The following CENPP variants were observed in gnomAD, a reference collection of about 807,000 sequenced individuals.
CENPP encodes the protein centromere protein P.
A neutral mutation model predicts 35.6 loss-of-function variants in CENPP; 24 were observed. The observed-to-expected ratio is 0.67, with a 90% confidence interval of 0.49 to 0.95. The LOEUF is 0.95. CENPP is among the 40% of genes least tolerant of loss of function. The probability of loss-of-function intolerance (pLI) is 0.00; values close to 1 mark genes in which losing one functional copy is unlikely to be tolerated. For synonymous variants in CENPP, 120 were observed against 125.5 expected (o/e 0.96, Z 0.29); for missense variants, 332 against 345.3 (o/e 0.96, Z 0.31).
chr9:92,525,328 A>G (rs1044108130), intron 5 of CENPP, among the ~76,000 whole-genome samples: 3 of 152,072 alleles, frequency 2.0e-5, no homozygotes, highest in Admixed American at 1.3e-4. Flanking sequence ...AAAAAAAAAA[A>G]AAGAAAAGAA....
intron 5 of CENPP, among the ~76,000 whole-genome samples, chr9:92,529,049 T>G (rs865781482): frequency 2.0e-5 from 3 of 152,182 alleles, no homozygotes; most frequent in Non-Finnish European, 4.4e-5. Flanking sequence ...AATCAAACTT[T>G]TAAAGATGAA....
At chr9:92,540,366 C>T (rs753941968) in intron 5 of CENPP, among the ~76,000 whole-genome samples, 3 of 144,754 alleles carry the variant, frequency 2.1e-5, no homozygotes, top group Admixed American at 6.9e-5. Flanking sequence ...TGAACCCAGG[C>T]GGCAAAGGTC....
Position 92,504,599 on chromosome 9 carries a change from G to A in CENPP, c.565-106715G>A, listed in dbSNP as rs894711243. The stretch of plus-strand genomic sequence containing the variant: ...TGCCCAGGCTGGAGTGTAGTGGTAC[G>A]ATCCTAGCTTACTGCAGCCTCAAAC... On this transcript the variant is annotated intron_variant, in intron 5 of 7. Coordinates refer to ENST00000375587, the MANE Select transcript of CENPP (RefSeq NM_001012267.3). Among the ~76,000 whole-genome samples, 10 of 152,234 alleles carry A rather than the reference G, an allele frequency of 6.6e-5. 1 individual carries two copies.
intron 5 of CENPP, among the ~76,000 whole-genome samples, chr9:92,594,846 A>ATTT (rs1345754315): frequency 1.4e-5 from 2 of 142,544 alleles, no homozygotes; most frequent in African/African-American, 5.2e-5. Flanking sequence ...TATGTAAGTT[A>ATTT]TTTGTGCCCT....
At chr9:92,517,647 T>G in intron 5 of CENPP, 1 of 1,609,038 alleles carries the variant, frequency 6.2e-7, no homozygotes, top group Non-Finnish European at 8.5e-7. Flanking sequence ...AGTTAAAGAT[T>G]AATCACACAC....
intron 5 of CENPP, among the ~76,000 whole-genome samples, chr9:92,461,730 T>C (rs570421800): frequency 6.6e-6 from 1 of 152,218 alleles, no homozygotes; most frequent in South Asian, 2.1e-4. Context: ...CTTCCTGATG[T>C]CATTCTTGAT....
At chr9:92,495,219 C>T in intron 5 of CENPP, 8 of 533,680 alleles carry the variant, frequency 1.5e-5, no homozygotes, top group Admixed American at 6.4e-5. Context: ...CACTTAAGTT[C>T]CTAGCCAAGA....
At chr9:92,355,066 T>C (rs1841554546) in intron 4 of CENPP, among the ~76,000 whole-genome samples, 1 of 152,196 alleles carries the variant, frequency 6.6e-6, no homozygotes, top group Non-Finnish European at 1.5e-5. Context: ...TAAGGGTCCA[T>C]GTTCAGCGGT....
chr9:92,569,567 T>C (rs1850082226), intron 5 of CENPP, among the ~76,000 whole-genome samples: 2 of 152,204 alleles, frequency 1.3e-5, no homozygotes, highest in Non-Finnish European at 2.9e-5. Context: ...ATGCGGGCTC[T>C]TTTTTGGTTC....
At chr9:92,328,902 A>G (rs898851221) in intron 1 of CENPP, among the ~76,000 whole-genome samples, 3 of 152,260 alleles carry the variant, frequency 2.0e-5, no homozygotes, top group African/African-American at 7.2e-5. Context: ...GTTCAGCTCA[A>G]TGGCATTAAA....
At chr9:92,545,209 G>C (rs914633623) in intron 5 of CENPP, among the ~76,000 whole-genome samples, 2 of 152,020 alleles carry the variant, frequency 1.3e-5, no homozygotes, top group Non-Finnish European at 2.9e-5. Flanking sequence ...GGCCGAGGCC[G>C]GAGCCGGCTC....
At chr9:92,525,576 A>T (rs184042532) in intron 5 of CENPP, among the ~76,000 whole-genome samples, 2 of 152,066 alleles carry the variant, frequency 1.3e-5, no homozygotes, top group Non-Finnish European at 2.9e-5. Context: ...AAACAAACCT[A>T]CTGCACTTCC....
intron 5 of CENPP, among the ~76,000 whole-genome samples, chr9:92,572,203 G>A (rs911186011): frequency 5.3e-5 from 8 of 152,078 alleles, no homozygotes; most frequent in Admixed American, 2.0e-4. Context: ...TTACAATTTG[G>A]CACGTTTTTG....
rs558420304 is a variant in CENPP at position 92,421,256 on chromosome 9, T to C, written c.564+41397T>C. 2.6e-5 allele frequency among the ~76,000 whole-genome samples: 4 copies of C among 152,256 alleles called. No homozygotes were observed. In the East Asian group the frequency reaches 5.8e-4, roughly 22 times the overall value. ...GGTTTTGCCATGTTGCTCAGGCTGG[T>C]CATGAACTTCTGGGCTCAACCAGTC... is the stretch of plus-strand genomic sequence containing the variant. On this transcript the variant is annotated intron_variant, in intron 5 of 7. Coordinates refer to ENST00000375587, the MANE Select transcript of CENPP (RefSeq NM_001012267.3).
At chr9:92,435,260 AT>A (rs1423568020) in intron 5 of CENPP, among the ~76,000 whole-genome samples, 1 of 152,120 alleles carries the variant, frequency 6.6e-6, no homozygotes, top group Non-Finnish European at 1.5e-5. Flanking sequence ...CTGTCTGACC[AT>A]TTTATAAAAC....
intron 5 of CENPP, among the ~76,000 whole-genome samples, chr9:92,546,982 A>AG (rs1481259557): frequency 6.6e-6 from 1 of 152,204 alleles, no homozygotes. Flanking sequence ...GGACGTCAGA[A>AG]GGAAAATTTT....
chr9:92,430,720 G>A (rs190278083), intron 5 of CENPP, among the ~76,000 whole-genome samples: 37 of 152,112 alleles, frequency 2.4e-4, no homozygotes, highest in African/African-American at 8.0e-4. Flanking sequence ...TGCATTTGCT[G>A]AAAAATTCTT....
At chr9:92,458,624 T>C (rs1844973155) in intron 5 of CENPP, among the ~76,000 whole-genome samples, 1 of 152,192 alleles carries the variant, frequency 6.6e-6, no homozygotes, top group Non-Finnish European at 1.5e-5. Flanking sequence ...TGTGTTATAA[T>C]TCTATTCATT....
At chr9:92,459,841 G>A (rs746136863) in intron 5 of CENPP, 58 of 1,371,664 alleles carry the variant, frequency 4.2e-5, no homozygotes, top group Middle Eastern at 2.0e-4. Context: ...TGAAAACACC[G>A]CAAACTAGTT....
Sources: gnomAD v4.1 joint callset for allele counts (sites outside exome capture counted in the v4.1 genomes callset) on GRCh38, gnomAD v4.1.1 for gene constraint, MANE v1.5 for transcripts, NCBI Gene and HGNC (gene_info 2026-07-23, HGNC 2026-07-21) for gene names.